GRK3: variants seen among roughly 807,000 people sequenced by gnomAD.
GRK3 encodes adrenergic, beta, receptor kinase 2.
A neutral mutation model predicts 95.7 loss-of-function variants in GRK3; 54 were observed. The observed-to-expected ratio is 0.56, with a 90% CI of 0.45 to 0.71. The LOEUF is 0.71. Among genes scored for constraint, GRK3 ranks in the 30% least tolerant of loss-of-function variants. GRK3 has a pLI of 0.00. For missense variants in GRK3, 649 were observed against 851.2 expected, an observed-to-expected ratio of 0.76 and a Z score of 2.96; for synonymous variants, 281 against 290.8, an observed-to-expected ratio of 0.97 and a Z score of 0.34.
intron 17 of GRK3, among the ~76,000 whole-genome samples, chr22:25,712,240 G>A (rs1450848706): frequency 6.6e-6 from 1 of 152,224 alleles, no homozygotes. Context: ...CCAGGTCACA[G>A]GGCTGTGAGG....
chr22:25,572,147 G>T (rs920822294), intron 1 of GRK3, among the ~76,000 whole-genome samples: 3 of 151,948 alleles, frequency 2.0e-5, no homozygotes, highest in African/African-American at 7.3e-5. Context: ...TCAGAATGAT[G>T]GTTTCCAGCT....
intron 1 of GRK3, among the ~76,000 whole-genome samples, chr22:25,573,985 C>G (rs1931799591): frequency 6.6e-6 from 1 of 152,142 alleles, no homozygotes; most frequent in African/African-American, 2.4e-5. Flanking sequence ...CAACAAAAAC[C>G]CATAAAATCC....
chr22:25,681,879 T>A (rs1277021048), intron 9 of GRK3, among the ~76,000 whole-genome samples: 1 of 152,180 alleles, frequency 6.6e-6, no homozygotes, highest in Admixed American at 6.5e-5. Flanking sequence ...AGGCAGGCCG[T>A]CTTATCCATA....
chr22:25,694,335 G>A lies in GRK3; in HGVS notation c.1053-772G>A, dbSNP rs947333213. On this transcript the variant is annotated intron_variant, in intron 12 of 20. Coordinates refer to ENST00000324198, the MANE Select transcript of GRK3 (RefSeq NM_005160.4). ...TGGAAAGTTCCCCACCGGCTGCCTC[G>A]CATGCTTCCTGCTGCAGCCGGGCAA... Among the ~76,000 whole-genome samples the A allele has an allele frequency of 5.9e-5, 9 of 152,280 alleles. No individual in the cohort carries two copies. In the South Asian group the frequency reaches 1.5e-3, roughly 25 times the overall value.
At chr22:25,656,978 G>A (rs1168568733) in intron 3 of GRK3, among the ~76,000 whole-genome samples, 1 of 152,156 alleles carries the variant, frequency 6.6e-6, no homozygotes, top group South Asian at 2.1e-4. Context: ...CCAAGACAGA[G>A]CCCCTAACAT....
chr22:25,684,727 C>G (rs992041398), intron 9 of GRK3, among the ~76,000 whole-genome samples: 1 of 152,122 alleles, frequency 6.6e-6, no homozygotes. Context: ...TGAATCCAAG[C>G]AAGAAAGGAC....
At chr22:25,698,126 G>A (rs2085225138) in intron 13 of GRK3, among the ~76,000 whole-genome samples, 1 of 147,272 alleles carries the variant, frequency 6.8e-6, no homozygotes, top group African/African-American at 2.5e-5. Flanking sequence ...AGGAAGAAAG[G>A]AGGAAGGAGA....
At chr22:25,675,589 G>T (rs765976819) in intron 8 of GRK3, among the ~76,000 whole-genome samples, 1 of 152,194 alleles carries the variant, frequency 6.6e-6, no homozygotes, top group African/African-American at 2.4e-5. Context: ...GGGCTTGGTG[G>T]AGTAGTATAG....
chr22:25,624,359 C>T lies in GRK3; in HGVS notation c.190+19906C>T, dbSNP rs999845100. Among the ~76,000 whole-genome samples the T allele has an allele frequency of 1.8e-4, 27 of 152,058 alleles. 2 individuals are homozygous for T. In the East Asian group the frequency reaches 2.9e-3, roughly 16 times the overall value. On this transcript the variant is annotated intron_variant, in intron 2 of 20. Transcript: ENST00000324198. The stretch of plus-strand genomic sequence containing the variant: ...CGGGCGGATCACGAGGTCAGGAGAT[C>T]GAGACCATCCTGGCTAACACGGTGA...
At chr22:25,596,453 T>C (rs2084373108) in intron 1 of GRK3, among the ~76,000 whole-genome samples, 1 of 152,254 alleles carries the variant, frequency 6.6e-6, no homozygotes, top group African/African-American at 2.4e-5. Flanking sequence ...TTTACTTTTA[T>C]ATTACTTGCA....
At chr22:25,675,782 G>A (rs1003348137) in intron 8 of GRK3, among the ~76,000 whole-genome samples, 7 of 152,162 alleles carry the variant, frequency 4.6e-5, no homozygotes, top group African/African-American at 1.7e-4. Context: ...GTTTTTTGAG[G>A]ACTGAAATTT....
intron 2 of GRK3, among the ~76,000 whole-genome samples, chr22:25,631,673 C>T (rs571741445): frequency 1.3e-5 from 2 of 152,274 alleles, no homozygotes; most frequent in South Asian, 4.1e-4. Flanking sequence ...AAGTGTGCAG[C>T]TACTACCAAA....
intron 2 of GRK3, among the ~76,000 whole-genome samples, chr22:25,617,482 A>G (rs181446266): frequency 2.7e-4 from 41 of 152,346 alleles, no homozygotes; most frequent in Admixed American, 5.9e-4. Context: ...TCGTTTACTA[A>G]TAAATGTGCT....
At chr22:25,594,674 C>T (rs1014734514) in intron 1 of GRK3, among the ~76,000 whole-genome samples, 3 of 152,038 alleles carry the variant, frequency 2.0e-5, no homozygotes, top group African/African-American at 4.8e-5. Flanking sequence ...GTCAGGAGAT[C>T]GAGACCATCC....
intron 3 of GRK3, among the ~76,000 whole-genome samples, chr22:25,660,393 C>T (rs2084901945): frequency 6.6e-6 from 1 of 152,160 alleles, no homozygotes; most frequent in Non-Finnish European, 1.5e-5. Context: ...GCCTTTATGT[C>T]AGGTTTTATT....
chr22:25,565,132 G>A lies in GRK3; in HGVS notation c.92G>A (p.Arg31Lys). ...KATPAARASK[R>K]IVLPEPSIRS... Reference sequence around the variant, plus strand: ...ACCCCGGCCGCCCGCGCCAGCAAGAGGATCGTCCTGCCGGAGCCCAGGTAC... The same window carrying A: ...ACCCCGGCCGCCCGCGCCAGCAAGAAGATCGTCCTGCCGGAGCCCAGGTAC... Residue 31 changes from arginine (R) to lysine (K), a missense_variant, in exon 1 of 21, where the codon AGG (arginine) becomes AAG (lysine). By Grantham distance (26) the Arg-to-Lys change is conservative. Transcript: ENST00000324198. 2.6e-6 allele frequency: 4 copies of A among 1,544,406 alleles called. No individual in the cohort carries two copies. Among genetic ancestry groups the A allele is most frequent in the Non-Finnish European group, 3.5e-6 (4 of 1,148,916 alleles).
At chr22:25,565,374 C>T (rs1469167382) in intron 1 of GRK3, among the ~76,000 whole-genome samples, 1 of 152,108 alleles carries the variant, frequency 6.6e-6, no homozygotes, top group Non-Finnish European at 1.5e-5. Flanking sequence ...CCAAAGTGCC[C>T]GGCGCGGCGC....
chr22:25,647,541 T>G, intron 3 of GRK3: 1 of 1,551,958 alleles, frequency 6.4e-7, no homozygotes. Flanking sequence ...CACGTGGTGT[T>G]ACTATATTTG....
chr22:25,675,066 G>A (rs1305059276), intron 8 of GRK3, among the ~76,000 whole-genome samples: 2 of 152,204 alleles, frequency 1.3e-5, no homozygotes, highest in African/African-American at 2.4e-5. Context: ...GCCCAAGATG[G>A]TGCGGGTTGT....
Sources: gnomAD v4.1 joint callset for allele counts (sites outside exome capture counted in the v4.1 genomes callset) on GRCh38, gnomAD v4.1.1 for gene constraint, MANE v1.5 for transcripts, NCBI Gene and HGNC (gene_info 2026-07-23, HGNC 2026-07-21) for gene names.